The following NGRN variants were observed in gnomAD, a reference collection of about 807,000 sequenced individuals.
NGRN encodes the protein neugrin, neurite outgrowth associated, also known as neugrin.
Under a neutral mutation model 13.1 loss-of-function variants are expected in NGRN, and 12 were observed. The ratio of observed to expected loss-of-function variants is 0.92; its 90% CI spans 0.59 to 1.49. NGRN has a LOEUF of 1.49. NGRN is among the 40% of genes most tolerant of loss of function. The pLI is 0.00. For synonymous variants in NGRN, 149 were observed against 145.8 expected (o/e 1.02, Z -0.16); for missense variants, 397 against 357.0 (o/e 1.11, Z -0.90).
intron 1 of NGRN, 170 bp from the exon 2 acceptor site, chr15:90,266,118 C>A: frequency 6.9e-7 from 1 of 1,444,952 alleles, no homozygotes; most frequent in Non-Finnish European, 9.1e-7. Context: ...AGTTATTGTT[C>A]TAGGTGTTAG....
At chr15:90,270,231 T>C (rs1963484525) in intron 2 of NGRN, among the ~76,000 whole-genome samples, 1 of 152,316 alleles carries the variant, frequency 6.6e-6, no homozygotes, top group Admixed American at 6.5e-5. Flanking sequence ...GGCATTCCAC[T>C]GCTTAAAATT....
At position 90,271,560 on chromosome 15, in the gene NGRN, C is replaced by T; in HGVS notation, c.648C>T (p.Asp216=). The change falls in exon 3 of 3, where the codon GAC becomes GAT. Residue 216 remains aspartate, a synonymous_variant. Transcript: ENST00000379095. The part of the protein sequence containing the change: ...RRKGRNKEIQ[D]LEESFVPVAA... ...AGGGAAGAAATAAAGAAATCCAGGA[C>T]CTGGAGGAGAGCTTTGTGCCTGTTG... 2 of 1,614,070 alleles carry T rather than the reference C, an allele frequency of 1.2e-6. No homozygotes were observed.
intron 2 of NGRN, among the ~76,000 whole-genome samples, chr15:90,270,976 C>G (rs766104875): frequency 3.3e-5 from 5 of 152,120 alleles, no homozygotes; most frequent in Non-Finnish European, 7.4e-5. Flanking sequence ...CCTGTAATCC[C>G]AGCTACTTCG....
chr15:90,269,189 G>GTTTTTTTT (rs1567083100), intron 2 of NGRN, among the ~76,000 whole-genome samples: 7 of 122,752 alleles, frequency 5.7e-5, no homozygotes, highest in Admixed American at 9.1e-5. Flanking sequence ...TTTTTTTTTG[G>GTTTTTTTT]ATTTTTAGTA....
intron 2 of NGRN, among the ~76,000 whole-genome samples, chr15:90,270,885 T>G (rs549552496): frequency 6.6e-6 from 1 of 152,286 alleles, no homozygotes; most frequent in East Asian, 1.9e-4. Flanking sequence ...TGGAGTGCAG[T>G]GGTGCAGTGG....
chr15:90,266,158 C>G (rs954106012), intron 1 of NGRN, 130 bp from the exon 2 acceptor site: 1 of 1,472,696 alleles, frequency 6.8e-7, no homozygotes, highest in Middle Eastern at 2.5e-4. Flanking sequence ...AGCTCTAAGC[C>G]GGCAACATGG....
At position 90,266,397 on chromosome 15, in the gene NGRN, C is replaced by A. The variant is rs1211274492; in HGVS notation, c.274C>A (p.Arg92=). Residue 92 remains arginine (R), a splice_region_variant and synonymous_variant, in exon 2 of 3, where the codon CGG becomes AGG. Transcript: ENST00000379095. ...GACGTGGGAAGCCATGGAGCAGATA[C>A]GGTGAGACTCAGGATACCTTGTTTG... ...TLTWEAMEQI[R]YLHEEFPESW... is the part of the protein sequence containing the mutation. 3.7e-6 allele frequency: 6 copies of A among 1,611,232 alleles called. No individual in the cohort carries two copies. Among genetic ancestry groups the A allele is most frequent in the Non-Finnish European group, 5.1e-6 (6 of 1,178,362 alleles).
chr15:90,267,187 A>G (rs954831831), intron 2 of NGRN, among the ~76,000 whole-genome samples: 27 of 151,992 alleles, frequency 1.8e-4, no homozygotes, highest in African/African-American at 6.3e-4. Context: ...GCATGCCACC[A>G]TGCTTGGTTA....
rs928766568 is a variant in NGRN, at chr15:90,269,034, C to T, written c.276-2154C>T. 4.7e-5 allele frequency among the ~76,000 whole-genome samples: 6 copies of T among 128,134 alleles called. No homozygotes were observed. The South Asian group carries it at 1.0e-3, about 21-fold the overall frequency. 84.1% of individuals were successfully genotyped at this position (128,134 alleles called of 152,430 possible). A position where few individuals can be genotyped will look rare whatever the true frequency, so the allele number is the denominator to read the frequency against. ...TTTTTTGAGACGGAGTCTCATTCTG[C>T]TGCCAGGCTGGAGTGCAGTGGCATG... On this transcript the variant is annotated intron_variant, in intron 2 of 2. Transcript: ENST00000379095.
chr15:90,267,192 T>C (rs1404173618), intron 2 of NGRN, among the ~76,000 whole-genome samples: 1 of 151,930 alleles, frequency 6.6e-6, no homozygotes, highest in South Asian at 2.1e-4. Flanking sequence ...CCACCATGCT[T>C]GGTTAATTTT....
chr15:90,271,070 A>T, intron 2 of NGRN, 118 bp from the exon 3 acceptor site: 1 of 1,181,436 alleles, frequency 8.5e-7, no homozygotes, highest in Non-Finnish European at 1.2e-6. Context: ...TTCTGGGATT[A>T]CAGGTGTGAG....
intron 2 of NGRN, among the ~76,000 whole-genome samples, chr15:90,269,567 C>A (rs1380583741): frequency 6.6e-6 from 1 of 151,972 alleles, no homozygotes; most frequent in African/African-American, 2.4e-5. Context: ...TCATAGAGTT[C>A]TGTCCTTGTC....
At chr15:90,266,428 G>C in intron 2 of NGRN, 30 bp downstream of exon 2, 1 of 1,558,532 alleles carries the variant, frequency 6.4e-7, no homozygotes, top group Non-Finnish European at 8.8e-7. Context: ...GTTTGTATCC[G>C]CTGTGATGAG....
Position 90,265,985 on chromosome 15 carries a change from C to G in NGRN, c.164+109C>G. 4.2e-6 allele frequency: 6 copies of G among 1,423,076 alleles called. No individual in the cohort carries two copies. In the South Asian group the frequency reaches 6.2e-5, roughly 15 times the overall value. The allele number at this position is 1,423,076 out of a possible 1,614,324, so 88.2% of individuals were successfully genotyped here. ...TCCTGCCGCTGCTTGCGCAGCGGCC[C>G]TTGTTTCTTCTTACCCGTTGTTAGG... On this transcript the variant is annotated intron_variant, in intron 1 of 2. Transcript: ENST00000379095.
Position 90,271,848 on chromosome 15 carries a change from A to G in NGRN, c.*60A>G, listed in dbSNP as rs2151661033. Reference sequence around the variant, plus strand: ...CACAGCTGGGCAAGTATTAATGTATATGGAACAGCCTGGATTTCTGCATAT... The same window carrying G: ...CACAGCTGGGCAAGTATTAATGTATGTGGAACAGCCTGGATTTCTGCATAT... On this transcript the variant is annotated 3_prime_UTR_variant, in exon 3 of 3. Coordinates refer to ENST00000379095, the MANE Select transcript of NGRN (RefSeq NM_001033088.3). The G allele has an allele frequency of 6.3e-7, 1 of 1,580,476 alleles. No homozygotes were observed. The highest frequency in any genetic ancestry group is 1.3e-5 in the African/African-American group (1 of 74,300).
At position 90,271,617 on chromosome 15, in the gene NGRN, G is replaced by A; in HGVS notation, c.705G>A (p.Gln235=). The A allele has an allele frequency of 6.2e-7, 1 of 1,614,216 alleles. No homozygotes were observed. The highest frequency in any genetic ancestry group is 8.5e-7 in the Non-Finnish European group (1 of 1,180,048). The change falls in exon 3 of 3, where the codon CAG becomes CAA. Residue 235 remains glutamine (Q), a synonymous_variant. Transcript: ENST00000379095. ...AAPLGHPREL[Q]KYSSDSESPR... ...CCCTAGGTCATCCAAGAGAGCTGCA[G>A]AAGTACTCCAGTGATTCTGAGAGCC...
chr15:90,265,706 C>G lies in NGRN; in HGVS notation c.-7C>G, dbSNP rs377347644. ...TAGCCGACTGCTGAAGGCTGGTTTGCGTCGACATGGCGGTTACCCTGAGTC... is the reference window on the plus strand; with the variant it reads ...TAGCCGACTGCTGAAGGCTGGTTTGGGTCGACATGGCGGTTACCCTGAGTC... On this transcript the variant is annotated 5_prime_UTR_variant, in exon 1 of 3. Transcript: ENST00000379095. 3.7e-5 allele frequency: 60 copies of G among 1,613,042 alleles called. No individual in the cohort carries two copies. Among genetic ancestry groups the G allele is most frequent in the Non-Finnish European group, 5.1e-5 (60 of 1,179,846 alleles).
chr15:90,266,245 C>T (rs1434498565), intron 1 of NGRN, 43 bp from the exon 2 acceptor site: 2 of 1,587,502 alleles, frequency 1.3e-6, no homozygotes, highest in South Asian at 1.1e-5. Context: ...AACATCCATT[C>T]TGCTTCCACG....
Position 90,271,400 on chromosome 15 carries a change from T to A in NGRN, c.488T>A (p.Leu163His). ...LRGSGNTSKL[L>H]PAGHSVSGSL... ...GGCTCTGGAAATACCTCAAAGCTGC[T>A]CCCTGCAGGCCACTCTGTATCAGGC... Residue 163 changes from leucine to histidine, a missense_variant, in exon 3 of 3, where the codon CTC becomes CAC. Transcript: ENST00000379095. The A allele has an allele frequency of 6.2e-7, 1 of 1,613,954 alleles. No individual in the cohort carries two copies. The highest frequency in any genetic ancestry group is 8.5e-7 in the Non-Finnish European group (1 of 1,179,986).
Sources: allele counts gnomAD v4.1 joint callset (sites outside exome capture counted in the v4.1 genomes callset), GRCh38; gene constraint gnomAD v4.1.1; transcripts MANE v1.5; gene names NCBI Gene and HGNC (gene_info 2026-07-23, HGNC 2026-07-21).